Variants in PAPPA2 observed in about 807,000 individuals in gnomAD.
PAPPA2 encodes pappalysin-2.
In PAPPA2, 86 loss-of-function variants were observed where a neutral mutation model predicts 176.4. That is an observed-to-expected ratio of 0.49 (90% confidence interval 0.41 to 0.58). The LOEUF (loss-of-function observed/expected upper bound fraction) is 0.58, where lower values mean the gene tolerates loss of function less well. Among genes scored for constraint, PAPPA2 ranks in the 20% least tolerant of loss-of-function variants. The pLI, the probability that PAPPA2 is intolerant of heterozygous loss-of-function variation, is 0.00. For synonymous variants in PAPPA2, 809 were observed against 852.2 expected (o/e 0.95, Z 0.88); for missense variants, 2,073 against 2,256.9 (o/e 0.92, Z 1.65).
chr1:176,610,376 C>T (rs1332068103), intron 3 of PAPPA2, among the ~76,000 whole-genome samples: 1 of 151,350 alleles, frequency 6.6e-6, no homozygotes, highest in South Asian at 2.1e-4. Context: ...TAGGAATGAA[C>T]TTAGAGTTTA....
intron 3 of PAPPA2, among the ~76,000 whole-genome samples, chr1:176,629,676 T>A (rs975369560): frequency 5.3e-5 from 8 of 152,132 alleles, no homozygotes; most frequent in Non-Finnish European, 8.8e-5. Context: ...TGATATAGGT[T>A]TTCATTCATA....
At chr1:176,674,526 C>T (rs1659180550) in intron 4 of PAPPA2, among the ~76,000 whole-genome samples, 1 of 152,084 alleles carries the variant, frequency 6.6e-6, no homozygotes, top group Admixed American at 6.6e-5. Flanking sequence ...GTTTCCCATT[C>T]CTGAGTTACT....
chr1:176,623,690 T>C (rs1052585442), intron 3 of PAPPA2, among the ~76,000 whole-genome samples: 2 of 140,346 alleles, frequency 1.4e-5, no homozygotes, highest in African/African-American at 5.6e-5. Flanking sequence ...TCTTTCTCTC[T>C]CTCTTTCCTT....
chr1:176,551,823 G>T (rs529975705), intron 1 of PAPPA2, among the ~76,000 whole-genome samples: 2 of 152,124 alleles, frequency 1.3e-5, no homozygotes, highest in Non-Finnish European at 2.9e-5. Flanking sequence ...GTTTCTTTAG[G>T]GGGGTGGGTG....
chr1:176,666,608 T>TGTGAGA (rs1553384532), intron 3 of PAPPA2, among the ~76,000 whole-genome samples: 6 of 101,278 alleles, frequency 5.9e-5, no homozygotes, highest in African/African-American at 1.1e-4. Context: ...TGTGTGTGTG[T>TGTGAGA]GAGAGAGAGA....
intron 20 of PAPPA2, among the ~76,000 whole-genome samples, chr1:176,799,754 TATA>T (rs1319290447): frequency 6.6e-6 from 1 of 152,206 alleles, no homozygotes; most frequent in Non-Finnish European, 1.5e-5. Context: ...TGAAACTCAT[TATA>T]ATATTGAGGA....
At chr1:176,553,183 G>A (rs183724202) in intron 1 of PAPPA2, among the ~76,000 whole-genome samples, 164 of 149,398 alleles carry the variant, frequency 1.1e-3, no homozygotes, top group African/African-American at 3.8e-3. Flanking sequence ...CCACCTTTCC[G>A]CACATGTCAA....
intron 2 of PAPPA2, among the ~76,000 whole-genome samples, chr1:176,588,009 C>A (rs968921550): frequency 1.3e-5 from 2 of 152,134 alleles, no homozygotes; most frequent in African/African-American, 4.8e-5. Flanking sequence ...GGCCGTATGG[C>A]CATTTTCACA....
intron 2 of PAPPA2, among the ~76,000 whole-genome samples, chr1:176,569,041 C>T (rs1652155134): frequency 6.6e-6 from 1 of 152,196 alleles, no homozygotes; most frequent in Admixed American, 6.5e-5. Flanking sequence ...CACACACATA[C>T]CCATGCATAC....
chr1:176,585,598 T>G (rs1653258312), intron 2 of PAPPA2, among the ~76,000 whole-genome samples: 1 of 152,164 alleles, frequency 6.6e-6, no homozygotes, highest in Admixed American at 6.5e-5. Flanking sequence ...TTTTCTTCTC[T>G]TTCTACAGCT....
chr1:176,754,539 T>G (rs967994551), intron 14 of PAPPA2, among the ~76,000 whole-genome samples: 3 of 152,204 alleles, frequency 2.0e-5, no homozygotes, highest in Non-Finnish European at 4.4e-5. Flanking sequence ...ACCAGAAGTA[T>G]TCTCTTATGG....
chr1:176,676,731 T>TAC lies in PAPPA2; in HGVS notation c.2137+5638_2137+5639dup, dbSNP rs35103046. On this transcript the variant is annotated intron_variant, in intron 4 of 22. Coordinates refer to ENST00000367662, the MANE Select transcript of PAPPA2 (RefSeq NM_020318.3). ...ATATATGTGATAAATTGCATACAACTACACACACACACACACACACACAAC... is the reference window on the plus strand; with the variant it reads ...ATATATGTGATAAATTGCATACAACTACACACACACACACACACACACACAAC... Among the ~76,000 whole-genome samples, 838 of 149,246 alleles carry TAC rather than the reference T, an allele frequency of 5.6e-3. 7 individuals carry two copies. Among genetic ancestry groups the TAC allele is most frequent in the East Asian group, 0.023 (118 of 5,076 alleles).
chr1:176,816,159 T>C (rs1462433261), intron 21 of PAPPA2, among the ~76,000 whole-genome samples: 8 of 69,844 alleles, frequency 1.1e-4, no homozygotes, highest in African/African-American at 5.3e-4. Context: ...AGTGTATATA[T>C]ATATATATAT....
intron 9 of PAPPA2, among the ~76,000 whole-genome samples, chr1:176,705,383 A>T (rs1195898994): frequency 6.6e-6 from 1 of 152,180 alleles, no homozygotes; most frequent in Non-Finnish European, 1.5e-5. Context: ...TAATTATTTA[A>T]TCTTTCATTC....
Position 176,769,597 on chromosome 1 carries a change from C to T in PAPPA2, c.4324-10C>T, listed in dbSNP as rs543791837. 6.2e-7 allele frequency: 1 copy of T among 1,612,588 alleles called. No individual in the cohort carries two copies. Among genetic ancestry groups the T allele is most frequent in the Non-Finnish European group, 8.5e-7 (1 of 1,179,238 alleles). The stretch of plus-strand genomic sequence containing the variant: ...TGTGACTTTGACAGAAGCAATTTCT[C>T]TGTTTCTAGAAGGAAATTCTGCTCA... On this transcript the variant is annotated splice_polypyrimidine_tract_variant and intron_variant, in intron 15 of 22. Coordinates refer to ENST00000367662, the MANE Select transcript of PAPPA2 (RefSeq NM_020318.3).
At chr1:176,663,946 C>A (rs1379270028) in intron 3 of PAPPA2, among the ~76,000 whole-genome samples, 1 of 152,064 alleles carries the variant, frequency 6.6e-6, no homozygotes, top group African/African-American at 2.4e-5. Flanking sequence ...CTATGTGGGT[C>A]TCTTGATATG....
chr1:176,791,426 C>G lies in PAPPA2; in HGVS notation c.4964C>G (p.Pro1655Arg), dbSNP rs555762275. 8 of 1,613,622 alleles carry G rather than the reference C, an allele frequency of 5.0e-6. No homozygotes were observed. The highest frequency in any genetic ancestry group is 5.9e-6 in the Non-Finnish European group (7 of 1,179,702). The change falls in exon 19 of 23, where the codon CCA (proline) becomes CGA (arginine). Residue 1655 changes from proline to arginine, a missense_variant. Transcript: ENST00000367662. ...LCENLQGECP[P>R]PPSELNSVEY... The stretch of plus-strand genomic sequence containing the variant: ...GAGAATCTGCAAGGAGAATGCCCAC[C>G]ACCCCCCTCAGAGCTGAATTCTGTG...
chr1:176,679,998 A>T (rs1169354576), intron 4 of PAPPA2, among the ~76,000 whole-genome samples: 3 of 152,136 alleles, frequency 2.0e-5, no homozygotes, highest in Non-Finnish European at 4.4e-5. Flanking sequence ...TGGCCCCTAG[A>T]GCTTTCTGAC....
intron 1 of PAPPA2, among the ~76,000 whole-genome samples, chr1:176,545,782 T>C (rs1293561534): frequency 6.6e-6 from 1 of 152,150 alleles, no homozygotes; most frequent in Admixed American, 6.6e-5. Context: ...GATGAAAAGG[T>C]GGGCAGTGAA....
Sources: gnomAD v4.1 joint callset for allele counts (sites outside exome capture counted in the v4.1 genomes callset) on GRCh38, gnomAD v4.1.1 for gene constraint, MANE v1.5 for transcripts, NCBI Gene and HGNC (gene_info 2026-07-23, HGNC 2026-07-21) for gene names.